ERBB4: variants seen among roughly 807,000 people sequenced by gnomAD.
ERBB4 encodes the protein receptor tyrosine-protein kinase erbB-4.
In ERBB4, 42 loss-of-function variants were observed where a neutral mutation model predicts 158.0. That is an observed-to-expected ratio of 0.27 (90% confidence interval 0.21 to 0.34). The LOEUF is 0.34. ERBB4 is among the 10% of genes least tolerant of loss of function. ERBB4 has a pLI of 1.00. For synonymous variants in ERBB4, 583 were observed against 558.7 expected, an observed-to-expected ratio of 1.04 and a Z score of -0.61; for missense variants, 1,333 against 1,624.1, an observed-to-expected ratio of 0.82 and a Z score of 3.08.
At chr2:211,612,212 GAAT>G (rs900017609) in intron 19 of ERBB4, among the ~76,000 whole-genome samples, 11 of 145,668 alleles carry the variant, frequency 7.6e-5, no homozygotes, top group African/African-American at 2.7e-4. Flanking sequence ...ATGTAAAGGA[GAAT>G]AATAAGTCTT....
intron 1 of ERBB4, among the ~76,000 whole-genome samples, chr2:212,245,782 C>T (rs566956775): frequency 2.6e-5 from 4 of 152,190 alleles, no homozygotes; most frequent in South Asian, 2.1e-4. Flanking sequence ...TTGCTTACAG[C>T]GGCTTGTCAA....
intron 13 of ERBB4, among the ~76,000 whole-genome samples, chr2:211,677,767 G>C (rs1471455590): frequency 6.6e-6 from 1 of 151,876 alleles, no homozygotes; most frequent in East Asian, 2.0e-4. Flanking sequence ...CCAGCTACTC[G>C]GGAGGCTGAG....
chr2:211,564,188 A>C (rs1326707378), intron 19 of ERBB4, among the ~76,000 whole-genome samples: 1 of 152,210 alleles, frequency 6.6e-6, no homozygotes, highest in East Asian at 1.9e-4. Flanking sequence ...AAACATAAGC[A>C]ATCTGAAGCC....
intron 19 of ERBB4, among the ~76,000 whole-genome samples, chr2:211,583,248 C>T (rs1361331630): frequency 6.6e-6 from 1 of 151,900 alleles, no homozygotes; most frequent in Non-Finnish European, 1.5e-5. Context: ...AAAAATAATA[C>T]ATTTCATACT....
chr2:212,090,252 A>C (rs1473340658), intron 2 of ERBB4, among the ~76,000 whole-genome samples: 1 of 152,212 alleles, frequency 6.6e-6, no homozygotes, highest in East Asian at 1.9e-4. Context: ...AATGCAATTG[A>C]AAATAAATGT....
intron 14 of ERBB4, among the ~76,000 whole-genome samples, chr2:211,672,208 T>G (rs2071870561): frequency 6.6e-6 from 1 of 152,220 alleles, no homozygotes; most frequent in African/African-American, 2.4e-5. Context: ...AAATTAATAC[T>G]ATTTAAATTT....
chr2:211,794,561 T>G (rs572035885), intron 3 of ERBB4, among the ~76,000 whole-genome samples: 45 of 151,994 alleles, frequency 3.0e-4, no homozygotes, highest in African/African-American at 1.1e-3. Context: ...TTGTAAAAAA[T>G]TACTTGCTTA....
chr2:212,191,717 A>G (rs1388485416), intron 1 of ERBB4, among the ~76,000 whole-genome samples: 1 of 148,456 alleles, frequency 6.7e-6, no homozygotes, highest in Non-Finnish European at 1.5e-5. Flanking sequence ...TATACATGTT[A>G]CATATAACAC....
At chr2:211,659,143 GAACT>G (rs1376709934) in intron 15 of ERBB4, among the ~76,000 whole-genome samples, 1 of 151,778 alleles carries the variant, frequency 6.6e-6, no homozygotes, top group Non-Finnish European at 1.5e-5. Context: ...AAACATTGGT[GAACT>G]AATATAATAT....
chr2:211,726,683 G>T (rs927524728), intron 5 of ERBB4, among the ~76,000 whole-genome samples: 3 of 152,052 alleles, frequency 2.0e-5, no homozygotes, highest in South Asian at 2.1e-4. Context: ...ATTACATAGT[G>T]TTCTAAAAGT....
chr2:212,115,842 T>C (rs2079555560), intron 2 of ERBB4, among the ~76,000 whole-genome samples: 1 of 152,158 alleles, frequency 6.6e-6, no homozygotes, highest in Non-Finnish European at 1.5e-5. Context: ...GACAAGCCTA[T>C]AAATTCATTA....
intron 1 of ERBB4, among the ~76,000 whole-genome samples, chr2:212,277,743 G>T (rs895512468): frequency 5.3e-5 from 8 of 151,568 alleles, no homozygotes; most frequent in African/African-American, 1.5e-4. Context: ...TCCCTTTCTT[G>T]TTCATCTTTA....
chr2:211,377,304 T>C lies in ERBB4; in HGVS notation c.*6311A>G, dbSNP rs1354265417. 2 of 233,018 alleles carry C rather than the reference T, an allele frequency of 8.6e-6. No homozygotes were observed. Among genetic ancestry groups the C allele is most frequent in the Non-Finnish European group, 1.7e-5 (2 of 117,694 alleles). The allele number at this position is 233,018 out of a possible 1,614,324, so 14.4% of individuals were successfully genotyped here. ...TAGGCCTGGGGGAAATATCTACGCA[T>C]TGGGGATAAAAATAGCAGTAAAGGC... On this transcript the variant is annotated 3_prime_UTR_variant, in exon 28 of 28. Transcript: ENST00000342788.
intron 21 of ERBB4, among the ~76,000 whole-genome samples, 153 bp from the exon 22 acceptor site, chr2:211,428,636 A>C (rs184100525): frequency 6.6e-6 from 1 of 152,062 alleles, no homozygotes; most frequent in Non-Finnish European, 1.5e-5. Context: ...ATGTTAATTT[A>C]TGACTATAAC....
At chr2:212,137,623 T>C (rs1268880304) in intron 1 of ERBB4, among the ~76,000 whole-genome samples, 2 of 152,244 alleles carry the variant, frequency 1.3e-5, no homozygotes, top group Non-Finnish European at 2.9e-5. Context: ...TGAACAATAC[T>C]GCAGTGAACA....
intron 25 of ERBB4, among the ~76,000 whole-genome samples, chr2:211,390,636 G>A (rs908432520): frequency 1.3e-5 from 2 of 152,090 alleles, no homozygotes; most frequent in South Asian, 2.1e-4. Context: ...TAAAGGCAAC[G>A]GATTAAAACA....
At chr2:212,067,021 A>G (rs2077967088) in intron 2 of ERBB4, among the ~76,000 whole-genome samples, 1 of 152,006 alleles carries the variant, frequency 6.6e-6, no homozygotes, top group South Asian at 2.1e-4. Flanking sequence ...TATATTTGAA[A>G]CATTACTGGT....
At chr2:212,514,210 G>C (rs988869476) in intron 1 of ERBB4, among the ~76,000 whole-genome samples, 1 of 151,024 alleles carries the variant, frequency 6.6e-6, no homozygotes. Context: ...GCTGCACTGT[G>C]ATAAAACTTC....
chr2:212,226,221 C>G (rs1320035825), intron 1 of ERBB4, among the ~76,000 whole-genome samples: 1 of 152,094 alleles, frequency 6.6e-6, no homozygotes. Flanking sequence ...AATGGGGATC[C>G]TTGTCCTACA....
Sources: gnomAD v4.1 joint callset for allele counts (sites outside exome capture counted in the v4.1 genomes callset) on GRCh38, gnomAD v4.1.1 for gene constraint, MANE v1.5 for transcripts, NCBI Gene and HGNC (gene_info 2026-07-23, HGNC 2026-07-21) for gene names.